SI: variants seen among roughly 807,000 people sequenced by gnomAD.
The protein encoded by SI is sucrase-isomaltase, intestinal.
SI carries 235 observed loss-of-function variants against 253.3 expected under a neutral mutation model. The observed-to-expected ratio is 0.93, with a 90% CI of 0.83 to 1.03. SI has a LOEUF of 1.03. SI is among the 50% of genes least tolerant of loss of function. The pLI, the probability that SI is intolerant of heterozygous loss-of-function variation, is 0.00. For synonymous variants in SI, 819 were observed against 712.0 expected, an observed-to-expected ratio of 1.15 and a Z score of -2.39; for missense variants, 2,442 against 2,211.1, an observed-to-expected ratio of 1.10 and a Z score of -2.09.
chr3:165,059,329 A>G lies in SI; in HGVS notation c.1147-30T>C, dbSNP rs763817603. 6.9e-6 allele frequency: 11 copies of G among 1,597,416 alleles called. No individual in the cohort carries two copies. The South Asian group carries it at 9.9e-5, about 14-fold the overall frequency. On this transcript the variant is annotated intron_variant, in intron 10 of 47. Transcript: ENST00000264382. Reference sequence around the variant, plus strand: ...AAGTTAGAAGATTGTATTTCAATACATAGTACTGAAAGAGCTCTCTAATCA... The same window carrying G: ...AAGTTAGAAGATTGTATTTCAATACGTAGTACTGAAAGAGCTCTCTAATCA...
chr3:165,053,248 T>G (rs762630675), intron 13 of SI, among the ~76,000 whole-genome samples: 1 of 152,028 alleles, frequency 6.6e-6, no homozygotes, highest in Non-Finnish European at 1.5e-5. Flanking sequence ...TAAGCTCACA[T>G]CATTTCCCAA....
At chr3:164,987,287 A>T in intron 44 of SI, 61 bp from the exon 45 acceptor site, 2 of 1,340,838 alleles carry the variant, frequency 1.5e-6, no homozygotes, top group Non-Finnish European at 2.1e-6. Context: ...TCTAGTTATG[A>T]TATGACATCC....
Position 165,042,428 on chromosome 3 carries a change from A to G in SI, c.2004+631T>C, listed in dbSNP as rs191357432. On this transcript the variant is annotated intron_variant, in intron 17 of 47. Transcript: ENST00000264382. ...TGACTTAATGGTTTAACTGAATTTT[A>G]CTATTCTCTCCGAAAAACATGCCTA... Among the ~76,000 whole-genome samples, 135 of 152,170 alleles carry G rather than the reference A, an allele frequency of 8.9e-4. No individual in the cohort carries two copies. In the East Asian group the frequency reaches 0.023, roughly 26 times the overall value.
chr3:165,065,464 A>AATATATAGATATATATATATATATATAT (rs71632409), intron 6 of SI, 32 bp from the exon 7 acceptor site: 1 of 194,480 alleles, frequency 5.1e-6, no homozygotes, highest in African/African-American at 4.3e-5. Flanking sequence ...GAAATAATCT[A>AATATATAGATATATATATATATATATAT]ATATATATAT....
At chr3:165,028,607 C>G (rs1449961693) in intron 25 of SI, among the ~76,000 whole-genome samples, 3 of 151,300 alleles carry the variant, frequency 2.0e-5, no homozygotes, top group Admixed American at 6.6e-5. Context: ...ACCAATGGAA[C>G]AGAATAGAGA....
At chr3:165,081,309 G>A (rs748136891), upstream of SI, among the ~76,000 whole-genome samples, 1 of 151,890 alleles carries the variant, frequency 6.6e-6, no homozygotes, top group African/African-American at 2.4e-5. Context: ...AATTGAGTTG[G>A]ATAGTCAGCA....
At chr3:165,056,949 A>G (rs1713721356) in intron 12 of SI, among the ~76,000 whole-genome samples, 1 of 152,038 alleles carries the variant, frequency 6.6e-6, no homozygotes, top group Non-Finnish European at 1.5e-5. Flanking sequence ...ATCCACAAGA[A>G]TCAAGACCAT....
rs1415672897 is a variant in SI at position 164,994,403 on chromosome 3, T to C, written c.4695A>G (p.Arg1565=). 6.2e-7 allele frequency: 1 copy of C among 1,610,446 alleles called. No individual in the cohort carries two copies. The highest frequency in any genetic ancestry group is 1.7e-5 in the Admixed American group (1 of 59,858). The change falls in exon 41 of 48, where the codon AGA becomes AGG. Residue 1565 remains arginine, a splice_region_variant and synonymous_variant. Transcript: ENST00000264382. ...SRNHNIANTR[R]QDPASWNETF... Reference sequence around the variant, plus strand: ...TTTCATTCCAGGAAGCGGGATCTTGTCTCTGAAACAAAGCAAAATAACATA... The same window carrying C: ...TTTCATTCCAGGAAGCGGGATCTTGCCTCTGAAACAAAGCAAAATAACATA...
chr3:165,021,403 A>T lies in SI; in HGVS notation c.3100-20T>A, dbSNP rs1711605202. 6.3e-7 allele frequency: 1 copy of T among 1,597,916 alleles called. No homozygotes were observed. The highest frequency in any genetic ancestry group is 8.6e-7 in the Non-Finnish European group (1 of 1,166,314). On this transcript the variant is annotated intron_variant, in intron 26 of 47. Coordinates refer to ENST00000264382, the MANE Select transcript of SI (RefSeq NM_001041.4). Reference sequence around the variant, plus strand: ...ATAAATCTATTGCAGATAAGTAGTAAAAAAGTTTATTCTGATTGCTGACAT... The same window carrying T: ...ATAAATCTATTGCAGATAAGTAGTATAAAAGTTTATTCTGATTGCTGACAT...
upstream of SI, among the ~76,000 whole-genome samples, chr3:165,081,914 T>A (rs73163485): frequency 2.7e-3 from 406 of 152,094 alleles, no homozygotes; most frequent in Admixed American, 3.4e-3. Context: ...CCAGAACCAT[T>A]GGAAAGACCG....
chr3:165,088,408 G>A, the SI span, among the ~76,000 whole-genome samples: 62 of 151,892 alleles, frequency 4.1e-4, no homozygotes, highest in African/African-American at 1.5e-3. Flanking sequence ...ACTTTGGGAG[G>A]CCGAGGTGGG....
chr3:165,065,452 A>T lies in SI; in HGVS notation c.636-20T>A. ...TCAAACCTGCACCATAAAAGAAATA[A>T]AGAAATAATCTAATATATATATATA... is the stretch of plus-strand genomic sequence containing the variant. On this transcript the variant is annotated intron_variant, in intron 6 of 47. Transcript: ENST00000264382. The T allele has an allele frequency of 2.5e-6, 2 of 812,108 alleles. No individual in the cohort carries two copies. The highest frequency in any genetic ancestry group is 3.4e-6 in the Non-Finnish European group (2 of 586,942). 50.3% of individuals were successfully genotyped at this position (812,108 alleles called of 1,614,324 possible). A position where few individuals can be genotyped will look rare whatever the true frequency, so the allele number is the denominator to read the frequency against.
At chr3:165,073,387 T>C (rs1036279343) in intron 3 of SI, among the ~76,000 whole-genome samples, 1 of 152,108 alleles carries the variant, frequency 6.6e-6, no homozygotes, top group Non-Finnish European at 1.5e-5. Flanking sequence ...GTAAATACTA[T>C]GTTATTTAGC....
rs1253149802 is a variant in SI, at chr3:165,021,359, A to G, written c.3124T>C (p.Tyr1042His). Residue 1042 changes from tyrosine (Y) to histidine (H), a missense_variant, in exon 27 of 48, where the codon TAT becomes CAT. Physicochemically the swap from Tyr to His is moderately conservative, Grantham distance 83. Coordinates refer to ENST00000264382, the MANE Select transcript of SI (RefSeq NM_001041.4). ...ATGTTTAACGGTACTGGTACTTCAT[A>G]TCTCTTCTTTTGGGGATCATAAATC... ...FKIYDPQKKR[Y>H]EVPVPLNIPT... is the part of the protein sequence containing the mutation. 2 of 1,610,388 alleles carry G rather than the reference A, an allele frequency of 1.2e-6. No individual in the cohort carries two copies. The highest frequency in any genetic ancestry group is 1.3e-5 in the African/African-American group (1 of 74,680).
intron 22 of SI, among the ~76,000 whole-genome samples, chr3:165,034,261 G>T (rs1041279723): frequency 6.6e-6 from 1 of 151,676 alleles, no homozygotes; most frequent in African/African-American, 2.4e-5. Flanking sequence ...AGCTACATAG[G>T]TATCATATTA....
intron 25 of SI, among the ~76,000 whole-genome samples, chr3:165,030,373 G>A (rs1357193945): frequency 1.3e-5 from 2 of 150,720 alleles, no homozygotes; most frequent in African/African-American, 2.4e-5. Context: ...GTCCACTACT[G>A]GCATATCTTA....
intron 31 of SI, 99 bp downstream of exon 31, chr3:165,017,449 T>G (rs1174703538): frequency 2.5e-6 from 3 of 1,201,244 alleles, no homozygotes; most frequent in Non-Finnish European, 3.6e-6. Flanking sequence ...AAGCTAAGCA[T>G]TATTACCAGC....
At chr3:165,069,281 A>T (rs13091463) in intron 3 of SI, 86 bp from the exon 4 acceptor site, 10 of 929,978 alleles carry the variant, frequency 1.1e-5, no homozygotes, top group South Asian at 8.4e-5. Flanking sequence ...TGAATATTTT[A>T]AAATAATCTA....
At chr3:165,049,576 T>C (rs1002196338) in intron 14 of SI, among the ~76,000 whole-genome samples, 2 of 152,114 alleles carry the variant, frequency 1.3e-5, no homozygotes, top group Non-Finnish European at 2.9e-5. Flanking sequence ...ACATCATATA[T>C]TTATGGACCA....
Sources: gnomAD v4.1 joint callset for allele counts (sites outside exome capture counted in the v4.1 genomes callset) on GRCh38, gnomAD v4.1.1 for gene constraint, MANE v1.5 for transcripts, NCBI Gene and HGNC (gene_info 2026-07-23, HGNC 2026-07-21) for gene names.